CDH17: variants seen among roughly 807,000 people sequenced by gnomAD.
The protein encoded by CDH17 is cadherin 17, also known as cadherin-17.
A neutral mutation model predicts 86.3 loss-of-function variants in CDH17; 67 were observed. The ratio of observed to expected loss-of-function variants is 0.78; its 90% CI spans 0.64 to 0.95. The LOEUF (loss-of-function observed/expected upper bound fraction) is 0.95, where lower values mean the gene tolerates loss of function less well. Among genes scored for constraint, CDH17 ranks in the 40% least tolerant of loss-of-function variants. CDH17 has a pLI of 0.00. For missense variants in CDH17, 993 were observed against 1,017.6 expected, an observed-to-expected ratio of 0.98 and a Z score of 0.33; for synonymous variants, 367 against 366.4, an observed-to-expected ratio of 1.00 and a Z score of -0.02.
chr8:94,152,083 G>A lies in CDH17; in HGVS notation c.1581C>T (p.Ser527=). 1.9e-6 allele frequency: 3 copies of A among 1,614,012 alleles called. No homozygotes were observed. Among genetic ancestry groups the A allele is most frequent in the Non-Finnish European group, 2.5e-6 (3 of 1,179,984 alleles). The part of the protein sequence containing the change: ...KPLDFETAAV[S]NIVFKAENPE... ...GATTTTCTGCTTTGAACACAATGTTGGAAACAGCTGCTGTTTCAAAATCAA... is the reference window on the plus strand; with the variant it reads ...GATTTTCTGCTTTGAACACAATGTTAGAAACAGCTGCTGTTTCAAAATCAA... Residue 527 remains serine, a synonymous_variant, in exon 13 of 18, where the codon TCC becomes TCT. Transcript: ENST00000027335.
chr8:94,133,381 T>A (rs1193969121), intron 15 of CDH17, among the ~76,000 whole-genome samples: 1 of 152,214 alleles, frequency 6.6e-6, no homozygotes, highest in Non-Finnish European at 1.5e-5. Flanking sequence ...GTCCTTCACA[T>A]CCCTTGTAAG....
chr8:94,135,570 T>A (rs970476121), intron 15 of CDH17, among the ~76,000 whole-genome samples: 4 of 152,200 alleles, frequency 2.6e-5, no homozygotes, highest in African/African-American at 9.7e-5. Context: ...GAGATGGGTC[T>A]CCCAACAGCA....
intron 17 of CDH17, among the ~76,000 whole-genome samples, chr8:94,129,879 A>T (rs1473207979): frequency 1.3e-5 from 2 of 152,232 alleles, no homozygotes; most frequent in Non-Finnish European, 2.9e-5. Context: ...ATGTTTATGA[A>T]TCACGTGAAT....
chr8:94,188,952 G>A (rs917004866), intron 3 of CDH17, among the ~76,000 whole-genome samples: 3 of 152,158 alleles, frequency 2.0e-5, no homozygotes, highest in African/African-American at 7.2e-5. Flanking sequence ...TCCCTGCAGA[G>A]GGCTGGGAGC....
chr8:94,176,732 TGCC>T, intron 4 of CDH17, 53 bp from the exon 5 acceptor site: 1 of 1,548,554 alleles, frequency 6.5e-7, no homozygotes, highest in East Asian at 2.3e-5. Flanking sequence ...TCATGTCACA[TGCC>T]CAAAAATCAC....
At chr8:94,151,461 T>C (rs576603147) in intron 13 of CDH17, among the ~76,000 whole-genome samples, 21 of 152,304 alleles carry the variant, frequency 1.4e-4, no homozygotes, top group Admixed American at 7.2e-4. Flanking sequence ...GTCTGTCCAA[T>C]TGGGCTTTGG....
intron 15 of CDH17, among the ~76,000 whole-genome samples, chr8:94,137,392 C>A (rs764478067): frequency 3.3e-5 from 5 of 152,196 alleles, no homozygotes; most frequent in Non-Finnish European, 7.3e-5. Flanking sequence ...AATTTGATCT[C>A]AGACTGCTGT....
At chr8:94,175,949 T>C (rs1335014983) in intron 5 of CDH17, among the ~76,000 whole-genome samples, 1 of 152,102 alleles carries the variant, frequency 6.6e-6, no homozygotes, top group Non-Finnish European at 1.5e-5. Context: ...AGTGCAATAG[T>C]GTGATCACAA....
Position 94,145,946 on chromosome 8 carries a change from C to T in CDH17, c.2149G>A (p.Glu717Lys). The change falls in exon 15 of 18, where the codon GAA becomes AAA. Residue 717 changes from glutamate (E) to lysine (K), a missense_variant. Physicochemically the swap from Glu to Lys is moderately conservative, Grantham distance 56. Transcript: ENST00000027335. ...AACTCACCATTGATTTTGGAAACTT[C>T]CCAGTCGTTTTGTAAGCTTCCACTG... is the stretch of plus-strand genomic sequence containing the variant. The part of the protein sequence containing the change: ...LGSGSLQNDW[E>K]VSKINGTHAR... 6.2e-7 allele frequency: 1 copy of T among 1,612,750 alleles called. No homozygotes were observed. Among genetic ancestry groups the T allele is most frequent in the Non-Finnish European group, 8.5e-7 (1 of 1,179,472 alleles).
rs191319530 is a variant in CDH17 at position 94,127,701 on chromosome 8, T to C, written c.*539A>G. 6.6e-6 allele frequency: 1 copy of C among 152,616 alleles called. No individual in the cohort carries two copies. The highest frequency in any genetic ancestry group is 1.9e-4 in the East Asian group (1 of 5,196). 9.5% of individuals were successfully genotyped at this position (152,616 alleles called of 1,614,324 possible). A position where few individuals can be genotyped will look rare whatever the true frequency, so the allele number is the denominator to read the frequency against. ...ATAAAGAAAAAATGTACAGAATATT[T>C]AATGAGTCTGTCTTGCCCCAAAAGG... On this transcript the variant is annotated 3_prime_UTR_variant, in exon 18 of 18. Coordinates refer to ENST00000027335, the MANE Select transcript of CDH17 (RefSeq NM_004063.4).
In CDH17 at chr8:94,128,281, C is replaced by T. The variant is rs149085669; in HGVS notation, c.2458G>A (p.Glu820Lys). 6.2e-7 allele frequency: 1 copy of T among 1,613,698 alleles called. No individual in the cohort carries two copies. Reference protein sequence around the residue: ...IKKDKGKDNVESAQASEVKPL... With the variant: ...IKKDKGKDNVKSAQASEVKPL... Reference sequence around the variant, plus strand: ...TTGACTTCAGATGCTTGAGCACTTTCAACATTATCTTTGCCTTTATCCTTC... The same window carrying T: ...TTGACTTCAGATGCTTGAGCACTTTTAACATTATCTTTGCCTTTATCCTTC... The change falls in exon 18 of 18, where the codon GAA (glutamate) becomes AAA (lysine). Residue 820 changes from glutamate to lysine, a missense_variant. Coordinates refer to ENST00000027335, the MANE Select transcript of CDH17 (RefSeq NM_004063.4).
intron 9 of CDH17, among the ~76,000 whole-genome samples, chr8:94,169,509 A>G (rs1813227325): frequency 6.6e-6 from 1 of 152,154 alleles, no homozygotes; most frequent in South Asian, 2.1e-4. Flanking sequence ...CTGGTGAGGA[A>G]TGGAGGGACG....
At chr8:94,163,089 C>T (rs1479171235) in intron 10 of CDH17, among the ~76,000 whole-genome samples, 3 of 152,300 alleles carry the variant, frequency 2.0e-5, no homozygotes, top group East Asian at 1.9e-4. Context: ...CAGTTGTTAG[C>T]GGCCTCTATA....
intron 13 of CDH17, among the ~76,000 whole-genome samples, chr8:94,149,646 A>G (rs1171521647): frequency 6.6e-6 from 1 of 152,202 alleles, no homozygotes; most frequent in East Asian, 1.9e-4. Flanking sequence ...GGGGTCAGGC[A>G]TTTCAGCAGT....
chr8:94,189,076 T>C (rs1290722844), intron 3 of CDH17, 111 bp downstream of exon 3: 1 of 762,302 alleles, frequency 1.3e-6, no homozygotes, highest in South Asian at 1.6e-5. Context: ...TTCTTGATAA[T>C]GAGAATGCCA....
At chr8:94,139,762 G>A (rs1311086879) in intron 15 of CDH17, among the ~76,000 whole-genome samples, 4 of 152,064 alleles carry the variant, frequency 2.6e-5, no homozygotes, top group African/African-American at 9.7e-5. Flanking sequence ...AAGTAGCTGG[G>A]CATCATGGTG....
At chr8:94,148,711 CTTTTTTTTTG>C in intron 14 of CDH17, 23 bp downstream of exon 14, 12 of 1,345,840 alleles carry the variant, frequency 8.9e-6, no homozygotes, top group East Asian at 2.9e-5. Flanking sequence ...ATCTGTGTTC[CTTTTTTTTTG>C]TTTTTTTTTT....
At chr8:94,184,408 T>C (rs1813538584) in intron 3 of CDH17, among the ~76,000 whole-genome samples, 1 of 152,202 alleles carries the variant, frequency 6.6e-6, no homozygotes, top group Admixed American at 6.5e-5. Flanking sequence ...GGAATGGAGT[T>C]CTGGTACATG....
At position 94,177,667 on chromosome 8, in the gene CDH17, T is replaced by C; in HGVS notation, c.205A>G (p.Ile69Val). ...TFELTGETDN[I>V]FVIEREGLLY... ...AGTCCCTCCCGTTCTATCACAAATA[T>C]GTTGTCTGTCTCCCCAGTTAGTTCA... The change falls in exon 4 of 18, where the codon ATA becomes GTA. Residue 69 changes from isoleucine (I) to valine (V), a missense_variant. Coordinates refer to ENST00000027335, the MANE Select transcript of CDH17 (RefSeq NM_004063.4). 6.2e-7 allele frequency: 1 copy of C among 1,613,838 alleles called. No individual in the cohort carries two copies.
Sources: allele counts gnomAD v4.1 joint callset (sites outside exome capture counted in the v4.1 genomes callset), GRCh38; gene constraint gnomAD v4.1.1; transcripts MANE v1.5; gene names NCBI Gene and HGNC (gene_info 2026-07-23, HGNC 2026-07-21).